The following CCSER1 variants were observed in gnomAD, a reference collection of about 807,000 sequenced individuals.
The protein encoded by CCSER1 is coiled-coil serine rich protein 1, also known as serine-rich coiled-coil domain-containing protein 1.
A neutral mutation model predicts 82.0 loss-of-function variants in CCSER1; 41 were observed. The observed-to-expected ratio is 0.50, with a 90% CI of 0.39 to 0.65. The LOEUF (loss-of-function observed/expected upper bound fraction) is 0.65, where lower values mean the gene tolerates loss of function less well. Among genes scored for constraint, CCSER1 ranks in the 30% least tolerant of loss-of-function variants. The probability of loss-of-function intolerance (pLI) is 0.00; values close to 1 mark genes in which losing one functional copy is unlikely to be tolerated. For synonymous variants in CCSER1, 414 were observed against 383.9 expected, an observed-to-expected ratio of 1.08 and a Z score of -0.92; for missense variants, 1,119 against 1,064.2, an observed-to-expected ratio of 1.05 and a Z score of -0.72.
chr4:91,568,784 C>A (rs1392780848), intron 10 of CCSER1, among the ~76,000 whole-genome samples: 1 of 151,604 alleles, frequency 6.6e-6, no homozygotes, highest in Non-Finnish European at 1.5e-5. Flanking sequence ...CTGGGTTTAG[C>A]CATCTCCTGA....
chr4:90,144,683 G>A (rs528881237), intron 1 of CCSER1, among the ~76,000 whole-genome samples: 1 of 152,254 alleles, frequency 6.6e-6, no homozygotes, highest in East Asian at 1.9e-4. Context: ...CAAGAATACA[G>A]TATAATAATC....
intron 7 of CCSER1, among the ~76,000 whole-genome samples, chr4:90,785,859 A>G (rs910778577): frequency 6.6e-6 from 1 of 152,234 alleles, no homozygotes; most frequent in Non-Finnish European, 1.5e-5. Flanking sequence ...TATCCAAAGG[A>G]TTAACAAATG....
chr4:91,065,910 C>G (rs1350695396), intron 9 of CCSER1, among the ~76,000 whole-genome samples: 1 of 152,038 alleles, frequency 6.6e-6, no homozygotes, highest in Non-Finnish European at 1.5e-5. Context: ...TCAATATGTA[C>G]TAATTTATTC....
rs1364925540 is a variant in CCSER1 at position 90,923,406 on chromosome 4, A to G, written c.2131A>G (p.Arg711Gly). 2 of 1,551,374 alleles carry G rather than the reference A, an allele frequency of 1.3e-6. No homozygotes were observed. The highest frequency in any genetic ancestry group is 3.9e-5 in the Admixed American group (2 of 50,970). Residue 711 changes from arginine to glycine, a missense_variant, in exon 9 of 11, where the codon AGA becomes GGA. By Grantham distance (125) the Arg-to-Gly change is moderately radical (BLOSUM62 -2). Coordinates refer to ENST00000509176, the MANE Select transcript of CCSER1 (RefSeq NM_001145065.2). The part of the protein sequence containing the change: ...VRHLQKAFAS[R>G]VDKSTQTELL... ...GCATTTACAGAAGGCTTTTGCTTCA[A>G]GAGTAGATAAATCCACACAGACTGA...
intron 5 of CCSER1, among the ~76,000 whole-genome samples, chr4:90,470,776 A>AC (rs1476374450): frequency 4.0e-5 from 6 of 150,824 alleles, no homozygotes; most frequent in African/African-American, 1.5e-4. Context: ...AAAAAAAAAA[A>AC]AAAAACAAAA....
At chr4:91,115,339 C>A (rs903002375) in intron 10 of CCSER1, among the ~76,000 whole-genome samples, 1 of 150,964 alleles carries the variant, frequency 6.6e-6, no homozygotes, top group Non-Finnish European at 1.5e-5. Context: ...TCTTTTTTTT[C>A]TTTTTGAGAT....
chr4:90,630,574 GC>G (rs1560845432), intron 6 of CCSER1, among the ~76,000 whole-genome samples: 1 of 152,006 alleles, frequency 6.6e-6, no homozygotes, highest in African/African-American at 2.4e-5. Context: ...TGTTTGTGCA[GC>G]CCATTCAGTG....
intron 6 of CCSER1, among the ~76,000 whole-genome samples, chr4:90,703,260 A>G (rs965479381): frequency 2.6e-5 from 4 of 152,224 alleles, no homozygotes; most frequent in Non-Finnish European, 5.9e-5. Flanking sequence ...CAGATTGTTC[A>G]GTTTCCATGT....
At chr4:91,553,263 A>G (rs752239801) in intron 10 of CCSER1, among the ~76,000 whole-genome samples, 11 of 151,430 alleles carry the variant, frequency 7.3e-5, no homozygotes, top group Non-Finnish European at 1.6e-4. Context: ...ATCATAGTGT[A>G]TGATCCTTTT....
At chr4:90,465,925 A>G (rs577935976) in intron 4 of CCSER1, among the ~76,000 whole-genome samples, 1 of 152,274 alleles carries the variant, frequency 6.6e-6, no homozygotes, top group African/African-American at 2.4e-5. Context: ...GAACCATGTA[A>G]AAAGAGGACT....
chr4:90,161,899 T>G (rs1205037592), intron 1 of CCSER1, among the ~76,000 whole-genome samples: 1 of 152,156 alleles, frequency 6.6e-6, no homozygotes, highest in Non-Finnish European at 1.5e-5. Flanking sequence ...CTCTACAAGC[T>G]ATCTACTTCA....
intron 5 of CCSER1, among the ~76,000 whole-genome samples, chr4:90,539,401 T>TA (rs1464653095): frequency 6.6e-6 from 1 of 152,092 alleles, no homozygotes; most frequent in African/African-American, 2.4e-5. Context: ...TATTCTAGAT[T>TA]AAACTCAGAC....
At chr4:90,135,727 G>A (rs886778077) in intron 1 of CCSER1, among the ~76,000 whole-genome samples, 1 of 152,090 alleles carries the variant, frequency 6.6e-6, no homozygotes, top group Non-Finnish European at 1.5e-5. Flanking sequence ...TTCCTTACCT[G>A]GCTGTGCCCC....
intron 8 of CCSER1, among the ~76,000 whole-genome samples, chr4:90,916,173 T>C (rs1433787874): frequency 6.6e-6 from 1 of 152,098 alleles, no homozygotes; most frequent in Non-Finnish European, 1.5e-5. Context: ...ACTTTAAAGT[T>C]CATATGGAAC....
chr4:90,163,834 T>C (rs1221731982), intron 1 of CCSER1, among the ~76,000 whole-genome samples: 1 of 152,142 alleles, frequency 6.6e-6, no homozygotes, highest in Non-Finnish European at 1.5e-5. Flanking sequence ...AGATTTGTAG[T>C]AATAAAGTGG....
At chr4:90,341,352 G>C (rs182105284) in intron 3 of CCSER1, among the ~76,000 whole-genome samples, 264 of 152,136 alleles carry the variant, frequency 1.7e-3, no homozygotes, top group Admixed American at 3.5e-3. Context: ...ACATTAACTT[G>C]ACAATGTTTA....
intron 10 of CCSER1, among the ~76,000 whole-genome samples, chr4:91,296,205 A>G (rs1039810596): frequency 2.0e-5 from 3 of 151,640 alleles, no homozygotes; most frequent in Non-Finnish European, 4.4e-5. Flanking sequence ...TTAACAAAGA[A>G]TGTGGCTTAA....
At chr4:90,701,689 A>G (rs555805363) in intron 6 of CCSER1, among the ~76,000 whole-genome samples, 34 of 151,430 alleles carry the variant, frequency 2.2e-4, no homozygotes, top group African/African-American at 6.3e-4. Flanking sequence ...TTTCCTTCAC[A>G]TCCTTTGTAA....
Position 90,713,333 on chromosome 4 carries a change from G to A in CCSER1, c.1933-10581G>A, listed in dbSNP as rs370393611. On this transcript the variant is annotated intron_variant, in intron 6 of 10. Transcript: ENST00000509176. ...TCCTTCAGGAGCTCTTGCAAGGCAG[G>A]CCTGGTAGTGATGAATTCCCTAAGC... Among the ~76,000 whole-genome samples, 25 of 152,142 alleles carry A rather than the reference G, an allele frequency of 1.6e-4. No individual in the cohort carries two copies. In the East Asian group the frequency reaches 3.9e-3, roughly 24 times the overall value.
Sources: allele counts gnomAD v4.1 joint callset (sites outside exome capture counted in the v4.1 genomes callset), GRCh38; gene constraint gnomAD v4.1.1; transcripts MANE v1.5; gene names NCBI Gene and HGNC (gene_info 2026-07-23, HGNC 2026-07-21).